ABCA13: variants seen among roughly 807,000 people sequenced by gnomAD.
ABCA13 encodes ATP binding cassette subfamily A member 13.
A neutral mutation model predicts 478.7 loss-of-function variants in ABCA13; 476 were observed. That is an observed-to-expected ratio of 0.99 (90% CI 0.92 to 1.07). The LOEUF (loss-of-function observed/expected upper bound fraction) is 1.07, where lower values mean the gene tolerates loss of function less well. Among genes scored for constraint, ABCA13 ranks in the 50% least tolerant of loss-of-function variants. The pLI is 0.00. For synonymous variants in ABCA13, 2,252 were observed against 2,158.9 expected (o/e 1.04, Z -1.20); for missense variants, 6,060 against 5,910.6 (o/e 1.03, Z -0.83).
intron 41 of ABCA13, among the ~76,000 whole-genome samples, chr7:48,420,683 T>C (rs529590857): frequency 6.6e-6 from 1 of 151,934 alleles, no homozygotes; most frequent in African/African-American, 2.4e-5. Context: ...TGCCCCATCC[T>C]ACACAGCATT....
chr7:48,540,208 A>G (rs1447839132), intron 55 of ABCA13, among the ~76,000 whole-genome samples: 1 of 152,146 alleles, frequency 6.6e-6, no homozygotes, highest in Non-Finnish European at 1.5e-5. Context: ...TAACTTCTCT[A>G]TTTACAAGTA....
chr7:48,218,907 C>G (rs1880741), intron 3 of ABCA13, among the ~76,000 whole-genome samples: 61,321 of 151,966 alleles, frequency 0.4, 14,202 homozygotes, highest in Non-Finnish European at 0.53. Flanking sequence ...AATTCATTTT[C>G]ACTATGTTCT....
chr7:48,545,660 A>G (rs1198193202), intron 55 of ABCA13, among the ~76,000 whole-genome samples: 1 of 151,704 alleles, frequency 6.6e-6, no homozygotes. Flanking sequence ...CTATCACAAA[A>G]AGGAGAATTG....
In ABCA13 at chr7:48,467,939, A is replaced by G. The variant is rs183459895; in HGVS notation, c.12905+894A>G. Among the ~76,000 whole-genome samples, 9 of 152,338 alleles carry G rather than the reference A, an allele frequency of 5.9e-5. No individual in the cohort carries two copies. In the East Asian group the frequency reaches 1.7e-3, roughly 29 times the overall value. ...ATAGATAATTATGCTGCTTCACTCT[A>G]GTCTTTGCAAAACAAAGTAATTTAT... is the stretch of plus-strand genomic sequence containing the variant. On this transcript the variant is annotated intron_variant, in intron 44 of 61. Transcript: ENST00000435803.
chr7:48,378,462 A>C (rs1252599794), intron 35 of ABCA13, among the ~76,000 whole-genome samples: 1 of 152,228 alleles, frequency 6.6e-6, no homozygotes, highest in Non-Finnish European at 1.5e-5. Context: ...TACCTTGGCC[A>C]TCTGAACCAT....
chr7:48,277,772 T>G (rs1232518662), intron 17 of ABCA13, among the ~76,000 whole-genome samples: 2 of 152,210 alleles, frequency 1.3e-5, no homozygotes, highest in Non-Finnish European at 2.9e-5. Context: ...AAGAATCACA[T>G]TGTAGTCATT....
At chr7:48,243,627 C>A (rs1791213693) in intron 10 of ABCA13, among the ~76,000 whole-genome samples, 2 of 152,236 alleles carry the variant, frequency 1.3e-5, no homozygotes, top group African/African-American at 2.4e-5. Context: ...CTTTACGGTG[C>A]TTGGGTCCAT....
chr7:48,550,824 C>T (rs913821972), intron 55 of ABCA13, among the ~76,000 whole-genome samples: 3 of 151,420 alleles, frequency 2.0e-5, no homozygotes, highest in African/African-American at 7.3e-5. Context: ...CCTCCCCACA[C>T]TATCAGTGTG....
intron 59 of ABCA13, among the ~76,000 whole-genome samples, chr7:48,624,949 A>G (rs75231568): frequency 0.038 from 5,810 of 152,256 alleles, 146 homozygotes; most frequent in Middle Eastern, 0.061. Context: ...GATTATGAGA[A>G]TTTACATTTC....
intron 2 of ABCA13, among the ~76,000 whole-genome samples, chr7:48,196,199 C>T (rs1189567484): frequency 6.6e-6 from 1 of 152,154 alleles, no homozygotes; most frequent in African/African-American, 2.4e-5. Context: ...GAAAGGGTAG[C>T]TTATGATGTT....
rs187027826 is a variant in ABCA13, at chr7:48,467,796, A to G, written c.12905+751A>G. ...TAAGTAGTAAATATAAAAATCTAAC[A>G]ATAATACAATATTGGCAATTTGTTT... is the stretch of plus-strand genomic sequence containing the variant. On this transcript the variant is annotated intron_variant, in intron 44 of 61. Coordinates refer to ENST00000435803, the MANE Select transcript of ABCA13 (RefSeq NM_152701.5). Among the ~76,000 whole-genome samples, 719 of 152,354 alleles carry G rather than the reference A, an allele frequency of 4.7e-3. 7 individuals are homozygous for G. The highest frequency in any genetic ancestry group is 0.012 in the Admixed American group (180 of 15,296).
At position 48,273,031 on chromosome 7, in the gene ABCA13, T is replaced by C. The variant is rs1795831567; in HGVS notation, c.3365T>C (p.Phe1122Ser). 1 of 1,613,586 alleles carries C rather than the reference T, an allele frequency of 6.2e-7. No homozygotes were observed. Among genetic ancestry groups the C allele is most frequent in the Admixed American group, 1.7e-5 (1 of 59,964 alleles). ...YSTSEESSFV[F>S]PLAQIFSNLS... Reference sequence around the variant, plus strand: ...ACAAGTGAGGAGTCTTCATTTGTTTTTCCATTGGCACAAATTTTTTCAAAC... The same window carrying C: ...ACAAGTGAGGAGTCTTCATTTGTTTCTCCATTGGCACAAATTTTTTCAAAC... The change falls in exon 17 of 62, where the codon TTT (phenylalanine) becomes TCT (serine). Residue 1122 changes from phenylalanine to serine, a missense_variant. Physicochemically the swap from Phe to Ser is radical, Grantham distance 155 (BLOSUM62 -2). Coordinates refer to ENST00000435803, the MANE Select transcript of ABCA13 (RefSeq NM_152701.5).
intron 27 of ABCA13, among the ~76,000 whole-genome samples, chr7:48,320,441 G>A (rs982404054): frequency 2.6e-5 from 4 of 152,164 alleles, no homozygotes; most frequent in Non-Finnish European, 4.4e-5. Context: ...TATTTTAACA[G>A]GAGTTAATTT....
At position 48,372,515 on chromosome 7, in the gene ABCA13, T is replaced by G; in HGVS notation, c.11133+18T>G. ...CATTTCTGGTAAGTAAGTTGTTTTG[T>G]AAAAAAAAAAAAAAAAAACAACAAA... On this transcript the variant is annotated intron_variant, in intron 33 of 61. Coordinates refer to ENST00000435803, the MANE Select transcript of ABCA13 (RefSeq NM_152701.5). 1 of 1,193,896 alleles carries G rather than the reference T, an allele frequency of 8.4e-7. No individual in the cohort carries two copies. The highest frequency in any genetic ancestry group is 1.1e-6 in the Non-Finnish European group (1 of 896,396). 74.0% of individuals were successfully genotyped at this position (1,193,896 alleles called of 1,614,324 possible).
intron 58 of ABCA13, among the ~76,000 whole-genome samples, chr7:48,601,866 A>G (rs921124897): frequency 1.9e-4 from 29 of 152,306 alleles, no homozygotes; most frequent in African/African-American, 6.3e-4. Context: ...CTATTTCTCC[A>G]CATCCTCTCC....
chr7:48,255,485 A>G (rs1017747227), intron 15 of ABCA13, among the ~76,000 whole-genome samples: 2 of 151,900 alleles, frequency 1.3e-5, no homozygotes, highest in East Asian at 1.9e-4. Context: ...TTAGCTCCCA[A>G]TTTCTATTGT....
intron 23 of ABCA13, among the ~76,000 whole-genome samples, chr7:48,299,070 G>A (rs1041838412): frequency 1.3e-5 from 2 of 152,272 alleles, no homozygotes; most frequent in East Asian, 1.9e-4. Flanking sequence ...CATGGGGTAT[G>A]GTTTCTCTGT....
At chr7:48,231,199 C>T (rs1789024034) in intron 7 of ABCA13, among the ~76,000 whole-genome samples, 1 of 151,080 alleles carries the variant, frequency 6.6e-6, no homozygotes, top group African/African-American at 2.4e-5. Flanking sequence ...TTCTTACTTT[C>T]AAGGAAGTCA....
intron 13 of ABCA13, among the ~76,000 whole-genome samples, 155 bp from the exon 14 acceptor site, chr7:48,248,084 T>C (rs1791974020): frequency 6.6e-6 from 1 of 152,254 alleles, no homozygotes; most frequent in Non-Finnish European, 1.5e-5. Context: ...AGTCTAGAAC[T>C]ATAACTTAGA....
Sources: gnomAD v4.1 joint callset for allele counts (sites outside exome capture counted in the v4.1 genomes callset) on GRCh38, gnomAD v4.1.1 for gene constraint, MANE v1.5 for transcripts, NCBI Gene and HGNC (gene_info 2026-07-23, HGNC 2026-07-21) for gene names.